The following TGFA variants were observed in gnomAD, a reference collection of about 807,000 sequenced individuals.
TGFA encodes transforming growth factor alpha.
A neutral mutation model predicts 21.7 loss-of-function variants in TGFA; 12 were observed. The ratio of observed to expected loss-of-function variants is 0.55; its 90% CI spans 0.35 to 0.90. TGFA has a LOEUF of 0.90. Among genes scored for constraint, TGFA ranks in the 40% least tolerant of loss-of-function variants. The pLI, the probability that TGFA is intolerant of heterozygous loss-of-function variation, is 0.01. For synonymous variants in TGFA, 79 were observed against 88.1 expected, an observed-to-expected ratio of 0.90 and a Z score of 0.58; for missense variants, 178 against 210.8, an observed-to-expected ratio of 0.84 and a Z score of 0.96.
intron 1 of TGFA, among the ~76,000 whole-genome samples, chr2:70,538,004 G>A (rs1673023217): frequency 6.6e-6 from 1 of 152,206 alleles, no homozygotes; most frequent in Non-Finnish European, 1.5e-5. Flanking sequence ...TGCAGCTGGT[G>A]ACTTTAGGTT....
chr2:70,520,890 G>A (rs1672429761), intron 1 of TGFA, among the ~76,000 whole-genome samples: 2 of 151,992 alleles, frequency 1.3e-5, no homozygotes, highest in South Asian at 4.2e-4. Flanking sequence ...CCTTGGTTCT[G>A]GGCGGGACTG....
intron 1 of TGFA, among the ~76,000 whole-genome samples, chr2:70,547,314 G>C (rs111765568): frequency 1.6e-4 from 25 of 152,232 alleles, no homozygotes; most frequent in African/African-American, 6.0e-4. Context: ...ATGTTTGTTG[G>C]CTGGGCACGG....
chr2:70,534,396 G>T (rs532954721), intron 1 of TGFA, among the ~76,000 whole-genome samples: 1 of 152,194 alleles, frequency 6.6e-6, no homozygotes, highest in East Asian at 1.9e-4. Flanking sequence ...TGGTGGGGAG[G>T]TGTAGAGGGG....
At position 70,462,954 on chromosome 2, in the gene TGFA, T is replaced by A. The variant is rs567129631; in HGVS notation, c.215+2662A>T. 2.0e-5 allele frequency among the ~76,000 whole-genome samples: 3 copies of A among 152,188 alleles called. No individual in the cohort carries two copies. The East Asian group carries it at 5.8e-4, about 29-fold the overall frequency. On this transcript the variant is annotated intron_variant, in intron 3 of 5. Transcript: ENST00000295400. ...GGCTTGGGGATGACCCTGGCCTTTC[T>A]CAGGAGGAGGGTTAATTTGCAGGGG...
intron 1 of TGFA, among the ~76,000 whole-genome samples, chr2:70,531,156 T>C (rs545175834): frequency 1.3e-5 from 2 of 152,358 alleles, no homozygotes; most frequent in South Asian, 2.1e-4. Context: ...CCAGACAGAA[T>C]ACTCATGTGA....
chr2:70,497,914 C>T (rs781999369), intron 2 of TGFA, among the ~76,000 whole-genome samples: 5 of 152,216 alleles, frequency 3.3e-5, no homozygotes, highest in Non-Finnish European at 7.3e-5. Flanking sequence ...TTGCATTGTT[C>T]TGCCTTGAAA....
rs563716868 is a variant in TGFA, at chr2:70,549,956, T to C, written c.40+3772A>G. Among the ~76,000 whole-genome samples, 17 of 152,320 alleles carry C rather than the reference T, an allele frequency of 1.1e-4. No homozygotes were observed. The South Asian group carries it at 1.2e-3, about 11-fold the overall frequency. On this transcript the variant is annotated intron_variant, in intron 1 of 5. Coordinates refer to ENST00000295400, the MANE Select transcript of TGFA (RefSeq NM_003236.4). ...CATGTTCTAAGTGAACACTCCCTAATTATGGCTGCCCAATACGGAAAACAT... is the reference window on the plus strand; with the variant it reads ...CATGTTCTAAGTGAACACTCCCTAACTATGGCTGCCCAATACGGAAAACAT...
At chr2:70,503,584 A>AT (rs1202064406) in intron 2 of TGFA, among the ~76,000 whole-genome samples, 8 of 148,812 alleles carry the variant, frequency 5.4e-5, no homozygotes, top group African/African-American at 2.0e-4. Context: ...AATAATAATA[A>AT]AAAAAAAAAA....
intron 1 of TGFA, among the ~76,000 whole-genome samples, chr2:70,543,025 C>G (rs1553505369): frequency 6.6e-6 from 1 of 151,808 alleles, no homozygotes; most frequent in African/African-American, 2.4e-5. Context: ...ATCGCTTGAA[C>G]CCGGGAGGTG....
At chr2:70,520,874 C>A (rs1672429173) in intron 1 of TGFA, among the ~76,000 whole-genome samples, 1 of 152,132 alleles carries the variant, frequency 6.6e-6, no homozygotes, top group Admixed American at 6.6e-5. Context: ...ATGTCTTCCA[C>A]CTCTTCCTTG....
intron 1 of TGFA, among the ~76,000 whole-genome samples, chr2:70,522,597 C>T (rs449409): frequency 6.6e-6 from 1 of 151,868 alleles, no homozygotes; most frequent in East Asian, 1.9e-4. Flanking sequence ...TCACACCCGG[C>T]TAATTTTTTA....
intron 2 of TGFA, among the ~76,000 whole-genome samples, chr2:70,471,467 G>A (rs1164907575): frequency 2.0e-5 from 3 of 152,346 alleles, no homozygotes; most frequent in Admixed American, 6.5e-5. Flanking sequence ...TACGAGCCTC[G>A]TGAGCTGATG....
chr2:70,500,570 C>T (rs1248946516), intron 2 of TGFA, among the ~76,000 whole-genome samples: 1 of 152,094 alleles, frequency 6.6e-6, no homozygotes, highest in Non-Finnish European at 1.5e-5. Context: ...ATTTGAATAG[C>T]CCTGTAGTAC....
intron 5 of TGFA, among the ~76,000 whole-genome samples, chr2:70,451,267 T>G (rs1172854590): frequency 6.6e-6 from 1 of 152,186 alleles, no homozygotes; most frequent in East Asian, 1.9e-4. Context: ...CATACAAGAA[T>G]GGACCCATTT....
chr2:70,466,348 A>C (rs1670560575), intron 2 of TGFA, among the ~76,000 whole-genome samples: 1 of 152,214 alleles, frequency 6.6e-6, no homozygotes, highest in African/African-American at 2.4e-5. Context: ...TCTACTAAAA[A>C]TACAAAAAAT....
At chr2:70,496,330 C>T (rs2103799756) in intron 2 of TGFA, among the ~76,000 whole-genome samples, 1 of 152,268 alleles carries the variant, frequency 6.6e-6, no homozygotes. Context: ...AAATATGCTT[C>T]TACCAGAACC....
At chr2:70,504,433 AATATATATATATATATAT>A (rs200901290) in intron 2 of TGFA, among the ~76,000 whole-genome samples, 1 of 62,444 alleles carries the variant, frequency 1.6e-5, no homozygotes, top group Admixed American at 1.7e-4. Context: ...AAACAAAACA[AATATATATATATATATAT>A]ATATATATAT....
At chr2:70,455,653 C>T (rs1670206106) in intron 4 of TGFA, among the ~76,000 whole-genome samples, 1 of 152,194 alleles carries the variant, frequency 6.6e-6, no homozygotes, top group Non-Finnish European at 1.5e-5. Context: ...TTAGATATTT[C>T]CAGGGAATAA....
intron 4 of TGFA, among the ~76,000 whole-genome samples, chr2:70,455,129 C>T (rs1201895183): frequency 6.6e-6 from 1 of 152,180 alleles, no homozygotes; most frequent in East Asian, 1.9e-4. Flanking sequence ...TTTCCAAGGC[C>T]CCTGGAAGCA....
Sources: allele counts gnomAD v4.1 joint callset (sites outside exome capture counted in the v4.1 genomes callset), GRCh38; gene constraint gnomAD v4.1.1; transcripts MANE v1.5; gene names NCBI Gene and HGNC (gene_info 2026-07-23, HGNC 2026-07-21).